The following CTNNA2 variants were observed in gnomAD, a reference collection of about 807,000 sequenced individuals.
CTNNA2 encodes catenin alpha-2.
Under a neutral mutation model 101.0 loss-of-function variants are expected in CTNNA2, and 42 were observed. The ratio of observed to expected loss-of-function variants is 0.42; its 90% CI spans 0.32 to 0.54. The LOEUF (loss-of-function observed/expected upper bound fraction) is 0.54. Among genes scored for constraint, CTNNA2 ranks in the 20% least tolerant of loss-of-function variants. The pLI, the probability that CTNNA2 is intolerant of heterozygous loss-of-function variation, is 0.14. For synonymous variants in CTNNA2, 450 were observed against 456.4 expected (o/e 0.99, Z 0.18); for missense variants, 871 against 1,223.1 (o/e 0.71, Z 4.29).
intron 8 of CTNNA2, 35 bp from the exon 9 acceptor site, chr2:80,419,414 T>A: frequency 6.4e-7 from 1 of 1,566,390 alleles, no homozygotes; most frequent in South Asian, 1.1e-5. Flanking sequence ...TATTTCTTAA[T>A]TGTATGTCAT....
intron 6 of CTNNA2, among the ~76,000 whole-genome samples, chr2:79,877,515 A>T (rs950056377): frequency 7.9e-5 from 12 of 152,162 alleles, no homozygotes; most frequent in Admixed American, 7.2e-4. Flanking sequence ...TTTCTGTTCC[A>T]TAGTTGTATG....
chr2:79,433,624 G>GAAAAAAAAAAAAAAAAAA (rs200656588), intron 4 of CTNNA2, among the ~76,000 whole-genome samples: 1 of 95,696 alleles, frequency 1.0e-5, no homozygotes, highest in Non-Finnish European at 2.0e-5. Flanking sequence ...TGCCTTTGAG[G>GAAAAAAAAAAAAAAAAAA]AAAAAAAAAA....
At chr2:79,584,520 C>CTTTTTTTTTTTTT (rs558450184) in intron 1 of CTNNA2, among the ~76,000 whole-genome samples, 1 of 134,134 alleles carries the variant, frequency 7.5e-6, no homozygotes. Context: ...GGTAGATTTT[C>CTTTTTTTTTTTTT]TTTTTTTTTT....
chr2:79,641,730 C>T lies in CTNNA2; in HGVS notation c.-5-9822C>T, dbSNP rs564099135. Among the ~76,000 whole-genome samples, 88 of 152,140 alleles carry T rather than the reference C, an allele frequency of 5.8e-4. 1 individual carries two copies. Among genetic ancestry groups the T allele is most frequent in the Admixed American group, 4.6e-3 (71 of 15,282 alleles). ...AGTAGACTGAGTCTGTATATGTTTC[C>T]AAAATGAATTAAAATGATAAGACTG... On this transcript the variant is annotated intron_variant, in intron 1 of 18. Coordinates refer to ENST00000402739, the MANE Select transcript of CTNNA2 (RefSeq NM_001282597.3).
At chr2:79,239,508 A>G (rs1370201311) in intron 2 of CTNNA2, among the ~76,000 whole-genome samples, 1 of 152,212 alleles carries the variant, frequency 6.6e-6, no homozygotes, top group Non-Finnish European at 1.5e-5. Context: ...TGACAGAGAA[A>G]GACTCCAGCT....
At chr2:80,357,748 T>C (rs1481545510) in intron 7 of CTNNA2, among the ~76,000 whole-genome samples, 1 of 152,156 alleles carries the variant, frequency 6.6e-6, no homozygotes, top group Admixed American at 6.6e-5. Flanking sequence ...GGTTCCTGGT[T>C]CCAAGGACTT....
At chr2:80,461,114 C>T (rs1295389171) in intron 9 of CTNNA2, among the ~76,000 whole-genome samples, 2 of 152,158 alleles carry the variant, frequency 1.3e-5, no homozygotes, top group Non-Finnish European at 2.9e-5. Context: ...TAACTTTAGC[C>T]AGGCTCCTAA....
At chr2:79,233,055 TA>T (rs1674515963) in intron 2 of CTNNA2, among the ~76,000 whole-genome samples, 1 of 151,762 alleles carries the variant, frequency 6.6e-6, no homozygotes, top group Non-Finnish European at 1.5e-5. Flanking sequence ...CAGTTTCTTT[TA>T]GTTGTTCTCT....
chr2:80,334,106 C>T (rs1414342696), intron 7 of CTNNA2, among the ~76,000 whole-genome samples: 1 of 152,164 alleles, frequency 6.6e-6, no homozygotes, highest in Admixed American at 6.5e-5. Flanking sequence ...GTCATTTCTT[C>T]CTTTTGAAGA....
chr2:80,147,949 T>C (rs145282265), intron 7 of CTNNA2, among the ~76,000 whole-genome samples: 291 of 152,342 alleles, frequency 1.9e-3, no homozygotes, highest in African/African-American at 6.9e-3. Flanking sequence ...GTGGCTCATC[T>C]GTCTTTATTA....
intron 11 of CTNNA2, among the ~76,000 whole-genome samples, chr2:80,551,021 A>G (rs117575484): frequency 2.0e-5 from 3 of 152,180 alleles, no homozygotes; most frequent in Non-Finnish European, 4.4e-5. Flanking sequence ...AAGACTTGAA[A>G]GTCAAAATGA....
intron 7 of CTNNA2, among the ~76,000 whole-genome samples, chr2:80,134,382 TG>T (rs1450105657): frequency 2.0e-5 from 3 of 152,162 alleles, no homozygotes; most frequent in South Asian, 2.1e-4. Context: ...CGCTAAGTGC[TG>T]ACCCTCCCCC....
rs137898899 is a variant in CTNNA2, at chr2:79,242,969, A to AAT, written c.-406+44917_-406+44918dup. On this transcript the variant is annotated intron_variant, in intron 2 of 21. Coordinates refer to the CTNNA2 transcript ENST00000466387. Reference sequence around the variant, plus strand: ...GCAACAAAGTAAGATCCTGTCTCGAAATATATATATATATATATATATATA... The same window carrying AAT: ...GCAACAAAGTAAGATCCTGTCTCGAAATATATATATATATATATATATATATA... Among the ~76,000 whole-genome samples, 579 of 127,324 alleles carry AAT rather than the reference A, an allele frequency of 4.5e-3. 14 individuals carry two copies. The highest frequency in any genetic ancestry group is 0.036 in the East Asian group (151 of 4,190). 83.5% of individuals were successfully genotyped at this position (127,324 alleles called of 152,430 possible).
At chr2:80,101,898 G>T (rs947773326) in intron 7 of CTNNA2, among the ~76,000 whole-genome samples, 19 of 152,178 alleles carry the variant, frequency 1.2e-4, no homozygotes, top group Non-Finnish European at 2.6e-4. Context: ...TCTCACCCTA[G>T]GGTTCTAGGG....
intron 1 of CTNNA2, among the ~76,000 whole-genome samples, chr2:79,626,174 T>C (rs1679291104): frequency 6.6e-6 from 1 of 152,228 alleles, no homozygotes; most frequent in Non-Finnish European, 1.5e-5. Flanking sequence ...AAGCAGCATT[T>C]TAATAGAACA....
intron 6 of CTNNA2, among the ~76,000 whole-genome samples, chr2:79,876,741 G>A (rs1220881380): frequency 3.9e-5 from 6 of 152,116 alleles, no homozygotes; most frequent in African/African-American, 1.4e-4. Flanking sequence ...AGTGCAAAAG[G>A]CTTTCATTCA....
chr2:79,843,763 T>C (rs1373316588), intron 3 of CTNNA2, among the ~76,000 whole-genome samples: 2 of 152,178 alleles, frequency 1.3e-5, no homozygotes, highest in African/African-American at 4.8e-5. Flanking sequence ...TCAAAACCAG[T>C]TCTCGTACTT....
intron 18 of CTNNA2, among the ~76,000 whole-genome samples, chr2:80,627,369 C>A (rs1203160057): frequency 6.6e-6 from 1 of 152,258 alleles, no homozygotes; most frequent in South Asian, 2.1e-4. Flanking sequence ...CACATCCTCT[C>A]CAGCATCTGT....
chr2:80,573,479 C>G (rs1288597877), intron 12 of CTNNA2: 1 of 152,128 alleles, frequency 6.6e-6, no homozygotes, highest in African/African-American at 2.4e-5. Flanking sequence ...CTGAAATGTC[C>G]CGTGTCTGTC....
Sources: gnomAD v4.1 joint callset for allele counts (sites outside exome capture counted in the v4.1 genomes callset) on GRCh38, gnomAD v4.1.1 for gene constraint, MANE v1.5 for transcripts, NCBI Gene and HGNC (gene_info 2026-07-23, HGNC 2026-07-21) for gene names.